Variants in MAF observed in about 807,000 individuals in gnomAD.
MAF encodes transcription factor Maf.
Under a neutral mutation model 22.0 loss-of-function variants are expected in MAF, and 10 were observed. That is an observed-to-expected ratio of 0.45 (90% CI 0.28 to 0.77). MAF has a LOEUF of 0.77. Ranked by LOEUF, MAF falls within the 30% of genes least tolerant of loss-of-function variation. The probability of loss-of-function intolerance (pLI) is 0.12; values close to 1 mark genes in which losing one functional copy is unlikely to be tolerated. For synonymous variants in MAF, 337 were observed against 255.8 expected (o/e 1.32, Z -3.03); for missense variants, 544 against 548.4 (o/e 0.99, Z 0.08).
At chr16:79,445,007 A>T in the MAF span, among the ~76,000 whole-genome samples, 1 of 152,116 alleles carries the variant, frequency 6.6e-6, no homozygotes, top group Non-Finnish European at 1.5e-5. Flanking sequence ...TAAAAAATAC[A>T]TTGAAACACA....
At chr16:79,406,904 C>G in the MAF span, among the ~76,000 whole-genome samples, 10 of 152,266 alleles carry the variant, frequency 6.6e-5, no homozygotes, top group South Asian at 2.1e-3. Context: ...CATCCCAGAG[C>G]CAGTAGGGGC....
chr16:79,561,713 G>GA, the MAF span, among the ~76,000 whole-genome samples: 1 of 151,998 alleles, frequency 6.6e-6, no homozygotes, highest in African/African-American at 2.4e-5. Context: ...AGGAGAAGAA[G>GA]AAAAAATGGT....
At chr16:79,508,314 G>A in the MAF span, among the ~76,000 whole-genome samples, 9 of 152,138 alleles carry the variant, frequency 5.9e-5, no homozygotes, top group Non-Finnish European at 8.8e-5. Flanking sequence ...GGGAGTGTTC[G>A]CAGGAGGTAG....
chr16:79,255,282 C>T, the MAF span, among the ~76,000 whole-genome samples: 1 of 152,210 alleles, frequency 6.6e-6, no homozygotes, highest in African/African-American at 2.4e-5. Flanking sequence ...CAATGGCTGG[C>T]TCGACCTGTC....
chr16:79,381,398 G>A, the MAF span, among the ~76,000 whole-genome samples: 1 of 152,214 alleles, frequency 6.6e-6, no homozygotes, highest in African/African-American at 2.4e-5. Flanking sequence ...GCCCAGATAA[G>A]TGTGTTTGTG....
Position 79,594,523 on chromosome 16 carries a change from T to C in MAF, c.1149A>G (p.Ser383=), listed in dbSNP as rs1310618120. The change falls in exon 2 of 2, where the codon TCA becomes TCG. Residue 383 remains serine, a synonymous_variant. Coordinates refer to ENST00000326043, the MANE Select transcript of MAF (RefSeq NM_005360.5). The part of the protein sequence containing the change: ...ITEPTRKLEP[S]VGYATFWKPQ... ...GCTTCCAAAATGTGGCGTATCCCAC[T>C]GATGGCTCCAACTTGCGAGTGGGCT... The C allele has an allele frequency of 4.5e-6, 7 of 1,565,850 alleles. No individual in the cohort carries two copies. Among genetic ancestry groups the C allele is most frequent in the Non-Finnish European group, 6.1e-6 (7 of 1,152,538 alleles).
the MAF span, among the ~76,000 whole-genome samples, chr16:79,369,382 C>T: frequency 3.3e-5 from 5 of 152,070 alleles, 1 homozygote. Context: ...ATCCCAAAGC[C>T]CATATTTTTC....
At chr16:79,354,459 G>A in the MAF span, among the ~76,000 whole-genome samples, 1 of 152,220 alleles carries the variant, frequency 6.6e-6, no homozygotes, top group Non-Finnish European at 1.5e-5. Flanking sequence ...TTCGGCCATA[G>A]TGGGAGTGGG....
chr16:79,443,079 G>C, the MAF span, among the ~76,000 whole-genome samples: 1 of 152,318 alleles, frequency 6.6e-6, no homozygotes, highest in East Asian at 1.9e-4. Flanking sequence ...ACAAGTGTAA[G>C]ATCATTCTGC....
the MAF span, among the ~76,000 whole-genome samples, chr16:79,556,034 G>T: frequency 6.8e-6 from 1 of 146,560 alleles, no homozygotes; most frequent in East Asian, 1.9e-4. Context: ...AGTTTAGTTT[G>T]TTTAGTTTAG....
chr16:79,295,363 GGAA>G, the MAF span, among the ~76,000 whole-genome samples: 2 of 152,220 alleles, frequency 1.3e-5, no homozygotes, highest in Non-Finnish European at 1.5e-5. Context: ...GCCACGTGGT[GGAA>G]GAAGATTTAT....
chr16:79,274,569 C>T, the MAF span, among the ~76,000 whole-genome samples: 3 of 152,166 alleles, frequency 2.0e-5, no homozygotes, highest in Non-Finnish European at 2.9e-5. Flanking sequence ...TCACTGAGAA[C>T]AGAAGAAAGG....
chr16:79,594,125 G>A lies in MAF; in HGVS notation c.*335C>T, dbSNP rs1913354608. 3.2e-6 allele frequency: 1 copy of A among 312,050 alleles called. No homozygotes were observed. The allele number at this position is 312,050 out of a possible 1,614,324, so 19.3% of individuals were successfully genotyped here. On this transcript the variant is annotated 3_prime_UTR_variant, in exon 2 of 2. Transcript: ENST00000326043. Reference sequence around the variant, plus strand: ...ATATGATTTTAAAATGCTAATTGTTGCATTCCGGGAAACTTTCCATTATAT... The same window carrying A: ...ATATGATTTTAAAATGCTAATTGTTACATTCCGGGAAACTTTCCATTATAT...
At chr16:79,504,331 G>A in the MAF span, among the ~76,000 whole-genome samples, 2 of 152,180 alleles carry the variant, frequency 1.3e-5, no homozygotes, top group African/African-American at 2.4e-5. Context: ...CCACCACTCA[G>A]ATAAGCATGA....
the MAF span, among the ~76,000 whole-genome samples, chr16:79,567,533 A>G: frequency 1.4e-4 from 22 of 152,310 alleles, no homozygotes; most frequent in East Asian, 3.9e-3. Context: ...AAAATGACCA[A>G]TGATATTAGC....
chr16:79,283,229 GATA>G, the MAF span, among the ~76,000 whole-genome samples: 1 of 152,174 alleles, frequency 6.6e-6, no homozygotes, highest in Non-Finnish European at 1.5e-5. Flanking sequence ...GTTTGTGTAA[GATA>G]ATAATTTTTA....
chr16:79,453,625 A>C, the MAF span, among the ~76,000 whole-genome samples: 3 of 152,220 alleles, frequency 2.0e-5, no homozygotes, highest in African/African-American at 7.2e-5. Context: ...CAGGAAAATA[A>C]TCAATTTGCT....
At chr16:79,283,443 T>C in the MAF span, among the ~76,000 whole-genome samples, 2 of 152,194 alleles carry the variant, frequency 1.3e-5, no homozygotes, top group African/African-American at 4.8e-5. Flanking sequence ...TAAGCATAAA[T>C]CTTTGTATTT....
At chr16:79,434,634 A>G in the MAF span, among the ~76,000 whole-genome samples, 1 of 151,558 alleles carries the variant, frequency 6.6e-6, no homozygotes, top group Admixed American at 6.6e-5. Context: ...TATATATTTA[A>G]TAAATAATAT....
Sources: allele counts gnomAD v4.1 joint callset (sites outside exome capture counted in the v4.1 genomes callset), GRCh38; gene constraint gnomAD v4.1.1; transcripts MANE v1.5; gene names NCBI Gene and HGNC (gene_info 2026-07-23, HGNC 2026-07-21).